The following RBFOX3 variants were observed in gnomAD, a reference collection of about 807,000 sequenced individuals.
The protein encoded by RBFOX3 is RNA binding fox-1 homolog 3.
In RBFOX3, 17 loss-of-function variants were observed where a neutral mutation model predicts 48.7. The ratio of observed to expected loss-of-function variants is 0.35; its 90% confidence interval spans 0.24 to 0.52. RBFOX3 has a LOEUF of 0.52. Among genes scored for constraint, RBFOX3 ranks in the 20% least tolerant of loss-of-function variants. The probability of loss-of-function intolerance (pLI) is 0.94; values close to 1 mark genes in which losing one functional copy is unlikely to be tolerated. For missense variants in RBFOX3, 382 were observed against 497.5 expected (o/e 0.77, Z 2.21); for synonymous variants, 212 against 209.5 (o/e 1.01, Z -0.10).
chr17:79,598,895 CAAGT>C (rs1355371606), intron 1 of RBFOX3: 3 of 152,178 alleles, frequency 2.0e-5, no homozygotes, highest in Middle Eastern at 3.2e-3. Flanking sequence ...AAGGGGGAAG[CAAGT>C]GTCTCATCTC....
chr17:79,371,300 G>A (rs970173047), intron 2 of RBFOX3, among the ~76,000 whole-genome samples: 1 of 152,246 alleles, frequency 6.6e-6, no homozygotes, highest in African/African-American at 2.4e-5. Context: ...CACATCCGAA[G>A]GGCTGTGAAT....
At chr17:79,500,717 A>C (rs1164792152) in intron 1 of RBFOX3, among the ~76,000 whole-genome samples, 1 of 152,160 alleles carries the variant, frequency 6.6e-6, no homozygotes, top group Non-Finnish European at 1.5e-5. Flanking sequence ...ACAAACCAGA[A>C]AAGGAAAGAC....
At chr17:79,593,717 C>T (rs1439730471) in intron 1 of RBFOX3, among the ~76,000 whole-genome samples, 6 of 152,328 alleles carry the variant, frequency 3.9e-5, no homozygotes, top group Admixed American at 2.6e-4. Flanking sequence ...ATTTTGAAAA[C>T]GACAAGAGGA....
intron 3 of RBFOX3, among the ~76,000 whole-genome samples, chr17:79,288,886 T>G (rs1430144149): frequency 6.6e-6 from 1 of 152,126 alleles, no homozygotes; most frequent in Non-Finnish European, 1.5e-5. Flanking sequence ...GAACACTGCA[T>G]GAAAAGCACA....
chr17:79,441,644 T>A (rs1174487679), intron 2 of RBFOX3, among the ~76,000 whole-genome samples: 12 of 145,852 alleles, frequency 8.2e-5, no homozygotes, highest in African/African-American at 2.5e-4. Context: ...ACCTCCAGAA[T>A]GGCAGAGAGT....
rs1459895471 is a variant in RBFOX3, at chr17:79,199,192, G to A, written c.-34+36574C>T. Among the ~76,000 whole-genome samples, 1 of 152,144 alleles carries A rather than the reference G, an allele frequency of 6.6e-6. No individual in the cohort carries two copies. Among genetic ancestry groups the A allele is most frequent in the Non-Finnish European group, 1.5e-5 (1 of 68,020 alleles). On this transcript the variant is annotated intron_variant, in intron 4 of 14. Transcript: ENST00000693108. This position sits in a 1 kb window ranked among gnomAD's most constrained non-coding sequence, Gnocchi z 5.1. ...GGGGATGGGAAGGCAGACTCTGGCT[G>A]GCTCACTCTGCCTTCTGAGAATGTA...
At chr17:79,633,897 C>G in the RBFOX3 span, among the ~76,000 whole-genome samples, 1 of 152,196 alleles carries the variant, frequency 6.6e-6, no homozygotes, top group East Asian at 1.9e-4. Context: ...AATTGTCTCT[C>G]CCACTTTGCT....
At position 79,578,592 on chromosome 17, in the gene RBFOX3, C is replaced by T. The variant is rs1045724810; in HGVS notation, c.-320+32234G>A. Among the ~76,000 whole-genome samples the T allele has an allele frequency of 1.4e-4, 21 of 152,400 alleles. No individual in the cohort carries two copies. In the South Asian group the frequency reaches 4.1e-3, roughly 30 times the overall value. ...ACCCGCTCCGGGCCAGGGACCTGCA[C>T]ATTCGTGCACCTTTTCCGCATCCTC... On this transcript the variant is annotated intron_variant, in intron 1 of 14. Transcript: ENST00000693108.
rs969459976 is a variant in RBFOX3, at chr17:79,512,214, C to T, written c.-319-29616G>A. Among the ~76,000 whole-genome samples the T allele has an allele frequency of 4.2e-5, 6 of 142,594 alleles. 1 individual carries two copies. Among genetic ancestry groups the T allele is most frequent in the Non-Finnish European group, 7.7e-5 (5 of 64,908 alleles). 93.5% of individuals were successfully genotyped at this position (142,594 alleles called of 152,430 possible). A position where few individuals can be genotyped will look rare whatever the true frequency, so the allele number is the denominator to read the frequency against. On this transcript the variant is annotated intron_variant, in intron 1 of 14. Transcript: ENST00000693108. The stretch of plus-strand genomic sequence containing the variant: ...CGGATATAGCCCCATGGCCAGGGGA[C>T]GCACACCCGGATACATGTTACCATC...
At chr17:79,200,721 G>A (rs12937311) in intron 4 of RBFOX3, among the ~76,000 whole-genome samples, 36,618 of 152,030 alleles carry the variant, frequency 0.24, 4,950 homozygotes, top group South Asian at 0.36. Context: ...AAAAGCAAAC[G>A]AGAACTTTGC....
Position 79,507,505 on chromosome 17 carries a change from C to G in RBFOX3, c.-319-24907G>C, listed in dbSNP as rs1568359015. Reference sequence around the variant, plus strand: ...TTCTCGTCAACTCCATTCTCAGCCCCAGGGTGGAGACGGGGAAGGGTGGGC... The same window carrying G: ...TTCTCGTCAACTCCATTCTCAGCCCGAGGGTGGAGACGGGGAAGGGTGGGC... On this transcript the variant is annotated intron_variant, in intron 1 of 14. Transcript: ENST00000693108. 3.3e-5 allele frequency among the ~76,000 whole-genome samples: 5 copies of G among 152,228 alleles called. No individual in the cohort carries two copies. The East Asian group carries it at 9.7e-4, about 29-fold the overall frequency.
chr17:79,324,377 A>G (rs1348018614), intron 2 of RBFOX3, among the ~76,000 whole-genome samples: 2 of 152,172 alleles, frequency 1.3e-5, no homozygotes, highest in Non-Finnish European at 2.9e-5. Context: ...TCCAGAGTGT[A>G]CACGCTCCCT....
chr17:79,662,485 G>T, the RBFOX3 span, among the ~76,000 whole-genome samples: 2 of 152,094 alleles, frequency 1.3e-5, no homozygotes, highest in South Asian at 4.2e-4. Flanking sequence ...TGGACCCATA[G>T]GTTGCAAAGA....
intron 1 of RBFOX3, among the ~76,000 whole-genome samples, chr17:79,497,069 G>A (rs1721462899): frequency 6.6e-6 from 1 of 152,174 alleles, no homozygotes; most frequent in Admixed American, 6.5e-5. Context: ...AGGCCATCAT[G>A]AGAGCCCTCC....
chr17:79,275,942 T>C (rs577441725), intron 3 of RBFOX3, among the ~76,000 whole-genome samples: 65 of 152,334 alleles, frequency 4.3e-4, no homozygotes, highest in South Asian at 2.9e-3. Context: ...TGCAGCGTCA[T>C]TCACCACAGC....
At chr17:79,558,609 T>C (rs2091952809) in intron 1 of RBFOX3, among the ~76,000 whole-genome samples, 2 of 152,086 alleles carry the variant, frequency 1.3e-5, no homozygotes, top group Non-Finnish European at 2.9e-5. Context: ...CCGGGCTCCA[T>C]GCACTCACTG....
At chr17:79,463,355 G>A (rs1210736871) in intron 2 of RBFOX3, among the ~76,000 whole-genome samples, 23 of 77,762 alleles carry the variant, frequency 3.0e-4, no homozygotes, top group African/African-American at 9.8e-4. Context: ...CACCTCCACC[G>A]CCATCGCCAC....
chr17:79,095,237 G>A (rs891046411), intron 13 of RBFOX3, among the ~76,000 whole-genome samples: 2 of 152,054 alleles, frequency 1.3e-5, no homozygotes, highest in Admixed American at 6.5e-5. Context: ...CTGTGGGCAC[G>A]GGGCTTGCGG....
chr17:79,649,558 T>C, the RBFOX3 span, among the ~76,000 whole-genome samples: 1 of 152,082 alleles, frequency 6.6e-6, no homozygotes, highest in East Asian at 1.9e-4. Context: ...ATACAAAAAC[T>C]AGCCAGGCAT....
Sources: allele counts gnomAD v4.1 joint callset (sites outside exome capture counted in the v4.1 genomes callset), GRCh38; gene constraint gnomAD v4.1.1; non-coding constraint Gnocchi (gnomAD v3.1); transcripts MANE v1.5; gene names NCBI Gene and HGNC (gene_info 2026-07-23, HGNC 2026-07-21).